TET1: variants seen among roughly 807,000 people sequenced by gnomAD.
TET1 encodes tet methylcytosine dioxygenase 1.
TET1 carries 13 observed loss-of-function variants against 148.7 expected under a neutral mutation model. That is an observed-to-expected ratio of 0.09 (90% CI 0.06 to 0.14). The LOEUF (loss-of-function observed/expected upper bound fraction) is 0.14. Ranked by LOEUF, TET1 falls within the 10% of genes least tolerant of loss-of-function variation. The pLI, the probability that TET1 is intolerant of heterozygous loss-of-function variation, is 1.00. For synonymous variants in TET1, 907 were observed against 937.2 expected, an observed-to-expected ratio of 0.97 and a Z score of 0.59; for missense variants, 2,182 against 2,553.8, an observed-to-expected ratio of 0.85 and a Z score of 3.14.
chr10:68,629,779 A>G (rs1305434782), intron 3 of TET1, among the ~76,000 whole-genome samples: 2 of 152,124 alleles, frequency 1.3e-5, no homozygotes, highest in East Asian at 3.9e-4. Context: ...CTTGTGATCC[A>G]CCCAATTTGG....
In TET1 at chr10:68,646,039, C is replaced by A. The variant is rs774175425; in HGVS notation, c.3310C>A (p.Pro1104Thr). The A allele has an allele frequency of 1.1e-5, 17 of 1,613,848 alleles. No individual in the cohort carries two copies. The highest frequency in any genetic ancestry group is 1.4e-5 in the Non-Finnish European group (17 of 1,180,016). ...AGAGGACAAAAAAGTTGAAAGTACA[C>A]CAACAAGCCTTGTCACATGTAATGT... Reference protein sequence around the residue: ...KPEDKKVESTPTSLVTCNVQQ... With the variant: ...KPEDKKVESTTTSLVTCNVQQ... The change falls in exon 4 of 12, where the codon CCA becomes ACA. Residue 1104 changes from proline (P) to threonine (T), a missense_variant. By Grantham distance (38) the Pro-to-Thr change is conservative. This residue lies in a region of TET1 where 582 missense variants were observed against 599.5 expected (regional missense o/e 0.97). Coordinates refer to ENST00000373644, the MANE Select transcript of TET1 (RefSeq NM_030625.3).
At chr10:68,655,127 T>G (rs2055003192) in intron 6 of TET1, among the ~76,000 whole-genome samples, 2 of 152,192 alleles carry the variant, frequency 1.3e-5, no homozygotes, top group Non-Finnish European at 2.9e-5. Context: ...AGCCAGCCAC[T>G]GCACTCCAGC....
At chr10:68,627,214 C>T (rs2054497451) in intron 3 of TET1, among the ~76,000 whole-genome samples, 1 of 152,050 alleles carries the variant, frequency 6.6e-6, no homozygotes, top group Non-Finnish European at 1.5e-5. Context: ...TCAAGACCAG[C>T]CTGGCCAACA....
At chr10:68,647,531 G>C (rs972505977) in intron 4 of TET1, among the ~76,000 whole-genome samples, 1 of 152,070 alleles carries the variant, frequency 6.6e-6, no homozygotes, top group South Asian at 2.1e-4. Context: ...TTGAACCTGG[G>C]AGGTGGAGGT....
Position 68,572,272 on chromosome 10 carries a change from G to A in TET1, c.-67G>A. 7.2e-7 allele frequency: 1 copy of A among 1,392,106 alleles called. No homozygotes were observed. 86.2% of individuals were successfully genotyped at this position (1,392,106 alleles called of 1,614,324 possible). ...CAGTGCATCCAGATTCTCCTCAGAA[G>A]TGAGACTTTCCAAAGGACCAATGAC... On this transcript the variant is annotated 5_prime_UTR_variant, in exon 2 of 12. The change creates a new upstream start codon in the 5' untranslated region. Transcript: ENST00000373644.
chr10:68,681,403 A>G lies in TET1; in HGVS notation c.4829A>G (p.Lys1610Arg), dbSNP rs189954558. 2 of 1,612,504 alleles carry G rather than the reference A, an allele frequency of 1.2e-6. No homozygotes were observed. Among genetic ancestry groups the G allele is most frequent in the East Asian group, 4.5e-5 (2 of 44,830 alleles). ...RIDPSSPLHE[K>R]NLEDNLQSLA... ...ATGGATTCTGTTTTCCTATAGGAAA[A>G]AAACCTTGAAGATAACTTACAGAGT... Residue 1610 changes from lysine (K) to arginine (R), a missense_variant, in exon 9 of 12, where the codon AAA (lysine) becomes AGA (arginine). Around this residue, in one of 11 missense-constraint regions of TET1, gnomAD observed 55 missense variants for 149.8 expected, o/e 0.37. Transcript: ENST00000373644.
chr10:68,593,834 C>T (rs536868894), intron 2 of TET1, among the ~76,000 whole-genome samples: 1 of 151,088 alleles, frequency 6.6e-6, no homozygotes, highest in East Asian at 1.9e-4. Context: ...GGCTGGTCTC[C>T]AACTCCTGAC....
At chr10:68,616,807 A>G (rs546069673) in intron 3 of TET1, among the ~76,000 whole-genome samples, 4 of 148,918 alleles carry the variant, frequency 2.7e-5, no homozygotes, top group Non-Finnish European at 4.4e-5. Flanking sequence ...TCCCGGGTTC[A>G]TGCCATTCTC....
intron 2 of TET1, among the ~76,000 whole-genome samples, chr10:68,578,064 G>C (rs1464539801): frequency 6.6e-6 from 1 of 152,018 alleles, no homozygotes; most frequent in Admixed American, 6.6e-5. Flanking sequence ...ATGTATTGAT[G>C]GGCATTTAAA....
At position 68,639,469 on chromosome 10, in the gene TET1, T is replaced by TAC. The variant is rs377540477; in HGVS notation, c.1969-5229_1969-5228insAC. ...ATTACTACTACTACTACTACTACTA[T>TAC]TATTATTATTATTATTATTATTTTA... On this transcript the variant is annotated intron_variant, in intron 3 of 11. Coordinates refer to ENST00000373644, the MANE Select transcript of TET1 (RefSeq NM_030625.3). Among the ~76,000 whole-genome samples, 1,149 of 148,392 alleles carry TAC rather than the reference T, an allele frequency of 7.7e-3. 14 individuals carry two copies. The highest frequency in any genetic ancestry group is 0.028 in the African/African-American group (1,101 of 40,010).
Position 68,599,287 on chromosome 10 carries a change from A to C in TET1, c.1915-1694A>C, listed in dbSNP as rs936128874. Among the ~76,000 whole-genome samples, 3 of 152,218 alleles carry C rather than the reference A, an allele frequency of 2.0e-5. No individual in the cohort carries two copies. In the East Asian group the frequency reaches 5.8e-4, roughly 29 times the overall value. On this transcript the variant is annotated intron_variant, in intron 2 of 11. Coordinates refer to ENST00000373644, the MANE Select transcript of TET1 (RefSeq NM_030625.3). ...TGCCAATCCCCGAAATGTGCTGCTG[A>C]AACTTTGGCCCTGCAAGGCTGGAGC... is the stretch of plus-strand genomic sequence containing the variant.
chr10:68,587,290 G>A (rs2053871788), intron 2 of TET1, among the ~76,000 whole-genome samples: 1 of 152,202 alleles, frequency 6.6e-6, no homozygotes, highest in Non-Finnish European at 1.5e-5. Flanking sequence ...GAGGAAGTGG[G>A]AGGACAAGAC....
chr10:68,609,824 T>C (rs1273116468), intron 3 of TET1, among the ~76,000 whole-genome samples: 9 of 152,062 alleles, frequency 5.9e-5, no homozygotes, highest in Non-Finnish European at 1.3e-4. Context: ...CACCATATCA[T>C]AGGATTATCT....
intron 3 of TET1, among the ~76,000 whole-genome samples, chr10:68,609,981 CTATA>C: frequency 6.6e-6 from 1 of 151,378 alleles, no homozygotes; most frequent in East Asian, 1.9e-4. Context: ...AACTACATCT[CTATA>C]TATTTATAAA....
intron 2 of TET1, among the ~76,000 whole-genome samples, chr10:68,575,748 G>A (rs918228445): frequency 2.0e-4 from 30 of 150,578 alleles, no homozygotes; most frequent in Non-Finnish European, 3.4e-4. Flanking sequence ...TAGGCCGGGC[G>A]CGGTGGCTCA....
rs1394508357 is a variant in TET1 at position 68,646,766 on chromosome 10, T to C, written c.4037T>C (p.Leu1346Ser). ...CCTGGTATCTCTCATGAAACACCCT[T>C]ACCGGAGTCAGCACTAACTCTCAGG... ...TLPGISHETP[L>S]PESALTLRNV... is the part of the protein sequence containing the mutation. The change falls in exon 4 of 12, where the codon TTA (leucine) becomes TCA (serine). Residue 1346 changes from leucine to serine, a missense_variant. Leu to Ser is a moderately radical substitution (Grantham distance 145, BLOSUM62 -2). Around this residue, in one of 11 missense-constraint regions of TET1, gnomAD observed 582 missense variants for 599.5 expected, o/e 0.97. Transcript: ENST00000373644. 3.1e-6 allele frequency: 5 copies of C among 1,614,148 alleles called. No homozygotes were observed. Among genetic ancestry groups the C allele is most frequent in the Non-Finnish European group, 4.2e-6 (5 of 1,180,028 alleles).
chr10:68,563,391 A>G (rs1171495064), intron 1 of TET1, among the ~76,000 whole-genome samples: 4 of 152,240 alleles, frequency 2.6e-5, no homozygotes, highest in Non-Finnish European at 4.4e-5. Flanking sequence ...CTTTTTTAAA[A>G]AATGTTTTAA....
At chr10:68,641,632 G>C (rs572368696) in intron 3 of TET1, among the ~76,000 whole-genome samples, 1 of 151,016 alleles carries the variant, frequency 6.6e-6, no homozygotes, top group Admixed American at 6.6e-5. Flanking sequence ...TCGAGTACCT[G>C]GGACTACAGG....
chr10:68,565,086 A>AT (rs2053591830), intron 1 of TET1, among the ~76,000 whole-genome samples: 1 of 152,182 alleles, frequency 6.6e-6, no homozygotes, highest in South Asian at 2.1e-4. Flanking sequence ...GAAATGAAAA[A>AT]TGGAAGTAGA....
Sources: gnomAD v4.1 joint callset for allele counts (sites outside exome capture counted in the v4.1 genomes callset) on GRCh38, gnomAD v4.1.1 for gene constraint, gnomAD v4.1.1 regional missense constraint, MANE v1.5 for transcripts, NCBI Gene and HGNC (gene_info 2026-07-23, HGNC 2026-07-21) for gene names.